The following ZNF704 variants were observed in gnomAD, a reference collection of about 807,000 sequenced individuals.
ZNF704 encodes the protein glucocorticoid induced gene 1.
Under a neutral mutation model 44.7 loss-of-function variants are expected in ZNF704, and 10 were observed. The ratio of observed to expected loss-of-function variants is 0.22; its 90% confidence interval spans 0.14 to 0.38. The LOEUF is 0.38. Among genes scored for constraint, ZNF704 ranks in the 10% least tolerant of loss-of-function variants. The pLI is 1.00. For missense variants in ZNF704, 390 were observed against 545.5 expected (o/e 0.71, Z 2.84); for synonymous variants, 211 against 207.6 (o/e 1.02, Z -0.14).
intron 4 of ZNF704, among the ~76,000 whole-genome samples, chr8:80,682,883 G>A (rs1393817037): frequency 6.6e-6 from 1 of 152,190 alleles, no homozygotes. Flanking sequence ...GAGGCCAAGT[G>A]ACTTGCTTAA....
At chr8:80,709,027 G>A (rs139207573) in intron 2 of ZNF704, among the ~76,000 whole-genome samples, 7 of 152,218 alleles carry the variant, frequency 4.6e-5, no homozygotes, top group Admixed American at 6.5e-5. Flanking sequence ...AGAAAAAAGT[G>A]TTTTCAATAT....
At chr8:80,731,152 AACAG>A (rs1033966840) in intron 2 of ZNF704, among the ~76,000 whole-genome samples, 3 of 152,224 alleles carry the variant, frequency 2.0e-5, no homozygotes, top group Non-Finnish European at 1.5e-5. Context: ...TCCATTGCTA[AACAG>A]ACAGCATCTA....
At chr8:80,710,187 C>T (rs552498578) in intron 2 of ZNF704, among the ~76,000 whole-genome samples, 1 of 152,260 alleles carries the variant, frequency 6.6e-6, no homozygotes, top group South Asian at 2.1e-4. Flanking sequence ...CCAATATTTG[C>T]CCAAGAGTTA....
At chr8:80,641,568 G>T in intron 8 of ZNF704, 91 bp from the exon 9 acceptor site, 1 of 527,984 alleles carries the variant, frequency 1.9e-6, no homozygotes, top group Non-Finnish European at 2.9e-6. Context: ...GAGTGAGGGA[G>T]GAAAAAAAAA....
At chr8:80,783,416 G>C (rs560044723) in intron 2 of ZNF704, among the ~76,000 whole-genome samples, 4 of 152,252 alleles carry the variant, frequency 2.6e-5, no homozygotes, top group Non-Finnish European at 5.9e-5. Flanking sequence ...TTGCTGCACA[G>C]ATAATCCCAT....
intron 6 of ZNF704, among the ~76,000 whole-genome samples, chr8:80,664,598 C>A (rs987593463): frequency 6.6e-6 from 1 of 152,178 alleles, no homozygotes; most frequent in Non-Finnish European, 1.5e-5. Flanking sequence ...ACAATCTCTA[C>A]GGGATCGAAT....
At chr8:80,647,612 G>C (rs902337735) in intron 7 of ZNF704, among the ~76,000 whole-genome samples, 2 of 152,178 alleles carry the variant, frequency 1.3e-5, no homozygotes, top group Non-Finnish European at 2.9e-5. Context: ...TAGGTATGGC[G>C]GCAGTGGTGG....
chr8:80,852,727 G>T (rs1338346219), intron 1 of ZNF704, among the ~76,000 whole-genome samples: 3 of 152,050 alleles, frequency 2.0e-5, no homozygotes, highest in Non-Finnish European at 4.4e-5. Context: ...GTTGTGCATC[G>T]AAAAAACACA....
chr8:80,870,194 G>C (rs796852796), intron 1 of ZNF704, among the ~76,000 whole-genome samples: 7 of 152,202 alleles, frequency 4.6e-5, no homozygotes, highest in African/African-American at 1.7e-4. Flanking sequence ...AAAAAAATTT[G>C]TAGTAATTTG....
intron 1 of ZNF704, among the ~76,000 whole-genome samples, chr8:80,827,919 T>A (rs941487613): frequency 2.0e-5 from 3 of 152,106 alleles, no homozygotes; most frequent in African/African-American, 7.2e-5. Flanking sequence ...ACAAAAATTA[T>A]TTCAAGATGG....
chr8:80,669,289 G>T (rs896780556), intron 5 of ZNF704, among the ~76,000 whole-genome samples: 2 of 152,150 alleles, frequency 1.3e-5, no homozygotes, highest in Non-Finnish European at 2.9e-5. Context: ...GAGATTTCAG[G>T]GGAGACACTG....
chr8:80,799,126 A>G (rs1251773896), intron 2 of ZNF704, among the ~76,000 whole-genome samples: 1 of 152,252 alleles, frequency 6.6e-6, no homozygotes, highest in Non-Finnish European at 1.5e-5. Context: ...CTCACTTCTC[A>G]AAACTGCCAT....
At chr8:80,849,710 C>G (rs1301907124) in intron 1 of ZNF704, among the ~76,000 whole-genome samples, 1 of 152,150 alleles carries the variant, frequency 6.6e-6, no homozygotes, top group Admixed American at 6.6e-5. Flanking sequence ...CATTTGGATT[C>G]TGGCAAGGGT....
In ZNF704 at chr8:80,639,896, A is replaced by C. The variant is rs1274051276; in HGVS notation, c.*1470T>G. On this transcript the variant is annotated 3_prime_UTR_variant, in exon 9 of 9. Transcript: ENST00000327835. ...CTATAAGGTGCTCTTCCTACTTTGC[A>C]TAGGTATAGGAGAAATAACTCTTTA... 1 of 152,564 alleles carries C rather than the reference A, an allele frequency of 6.6e-6. No individual in the cohort carries two copies. The highest frequency in any genetic ancestry group is 1.5e-5 in the Non-Finnish European group (1 of 68,048). The allele number at this position is 152,564 out of a possible 1,614,324, so 9.5% of individuals were successfully genotyped here. A position where few individuals can be genotyped will look rare whatever the true frequency, so the allele number is the denominator to read the frequency against.
intron 2 of ZNF704, among the ~76,000 whole-genome samples, chr8:80,777,405 G>C (rs765637626): frequency 7.2e-5 from 11 of 152,084 alleles, no homozygotes; most frequent in Non-Finnish European, 1.6e-4. Context: ...TCCCCTGCTT[G>C]TTGTTATTTT....
chr8:80,824,041 C>T (rs974800601), intron 1 of ZNF704, among the ~76,000 whole-genome samples: 2 of 152,184 alleles, frequency 1.3e-5, no homozygotes, highest in Admixed American at 1.3e-4. Flanking sequence ...AATGCACCTC[C>T]TCGCCAGCAA....
rs775946320 is a variant in ZNF704, at chr8:80,670,561, C to T, written c.601G>A (p.Gly201Arg). ...CCTGCTGCAGTGCTCAGCACCTTCCCACAGTTTTTCCAGAGGCATTTGAAC... is the reference window on the plus strand; with the variant it reads ...CCTGCTGCAGTGCTCAGCACCTTCCTACAGTTTTTCCAGAGGCATTTGAAC... ...VMFKCLWKNC[G>R]KVLSTAAGIQ... The change falls in exon 5 of 9, where the codon GGG becomes AGG. Residue 201 changes from glycine (G) to arginine (R), a missense_variant. Physicochemically the swap from Gly to Arg is moderately radical, Grantham distance 125. Coordinates refer to ENST00000327835, the MANE Select transcript of ZNF704 (RefSeq NM_001033723.3). 1 of 1,614,046 alleles carries T rather than the reference C, an allele frequency of 6.2e-7. No homozygotes were observed. The highest frequency in any genetic ancestry group is 8.5e-7 in the Non-Finnish European group (1 of 1,179,940).
intron 2 of ZNF704, among the ~76,000 whole-genome samples, chr8:80,720,972 C>T (rs1819156481): frequency 6.6e-6 from 1 of 152,222 alleles, no homozygotes; most frequent in Admixed American, 6.5e-5. Context: ...TCAATGGGGC[C>T]CGCAGAGTAG....
rs142614061 is a variant in ZNF704, at chr8:80,740,585, A to G, written c.222-47478T>C. 2.4e-3 allele frequency among the ~76,000 whole-genome samples: 365 copies of G among 152,310 alleles called. 1 individual carries two copies. Among genetic ancestry groups the G allele is most frequent in the African/African-American group, 8.4e-3 (348 of 41,576 alleles). On this transcript the variant is annotated intron_variant, in intron 2 of 8. Transcript: ENST00000327835. ...TCAGTGCAAGATCTCAGGATTATCA[A>G]TGAGGCTCTTATCCCTCTATACCCA...
Sources: gnomAD v4.1 joint callset for allele counts (sites outside exome capture counted in the v4.1 genomes callset) on GRCh38, gnomAD v4.1.1 for gene constraint, MANE v1.5 for transcripts, NCBI Gene and HGNC (gene_info 2026-07-23, HGNC 2026-07-21) for gene names.